The following CTNNA2 variants were observed in gnomAD, a reference collection of about 807,000 sequenced individuals.
The protein encoded by CTNNA2 is catenin alpha 2.
A neutral mutation model predicts 101.0 loss-of-function variants in CTNNA2; 42 were observed. The observed-to-expected ratio is 0.42, with a 90% CI of 0.32 to 0.54. The LOEUF is 0.54. Ranked by LOEUF, CTNNA2 falls within the 20% of genes least tolerant of loss-of-function variation. The pLI, the probability that CTNNA2 is intolerant of heterozygous loss-of-function variation, is 0.14. For synonymous variants in CTNNA2, 450 were observed against 456.4 expected, an observed-to-expected ratio of 0.99 and a Z score of 0.18; for missense variants, 871 against 1,223.1, an observed-to-expected ratio of 0.71 and a Z score of 4.29.
intron 7 of CTNNA2, among the ~76,000 whole-genome samples, chr2:80,099,963 T>C (rs1452072727): frequency 2.0e-5 from 3 of 152,108 alleles, no homozygotes; most frequent in African/African-American, 7.2e-5. Flanking sequence ...GAAGTCTTGC[T>C]CTGTCGCCCA....
At chr2:79,237,569 G>A (rs1023734958) in intron 2 of CTNNA2, among the ~76,000 whole-genome samples, 2 of 152,118 alleles carry the variant, frequency 1.3e-5, no homozygotes, top group South Asian at 2.1e-4. Flanking sequence ...AGTCCTAGAT[G>A]GCAGCTTCTT....
At chr2:79,419,617 T>C (rs1678518366) in intron 4 of CTNNA2, among the ~76,000 whole-genome samples, 1 of 152,130 alleles carries the variant, frequency 6.6e-6, no homozygotes, top group South Asian at 2.1e-4. Flanking sequence ...AGTTTAGATA[T>C]AAAATTTATT....
At chr2:79,404,143 TAA>T (rs61597049) in intron 4 of CTNNA2, among the ~76,000 whole-genome samples, 35 of 146,682 alleles carry the variant, frequency 2.4e-4, no homozygotes, top group Admixed American at 4.1e-4. Context: ...TGAATAAATG[TAA>T]AAAAAAAAAA....
chr2:79,829,525 G>A (rs1414227706), intron 3 of CTNNA2, among the ~76,000 whole-genome samples: 4 of 150,822 alleles, frequency 2.7e-5, no homozygotes, highest in Admixed American at 1.3e-4. Flanking sequence ...AGCTGAGATC[G>A]CGCCATTGCA....
At chr2:80,642,052 C>T (rs1673555751) in intron 18 of CTNNA2, among the ~76,000 whole-genome samples, 1 of 152,130 alleles carries the variant, frequency 6.6e-6, no homozygotes, top group African/African-American at 2.4e-5. Flanking sequence ...CTAGATGTAA[C>T]ATACACACCT....
At chr2:79,411,523 C>G (rs1018562893) in intron 4 of CTNNA2, among the ~76,000 whole-genome samples, 1 of 152,018 alleles carries the variant, frequency 6.6e-6, no homozygotes, top group African/African-American at 2.4e-5. Flanking sequence ...CAAAGGGAAG[C>G]CCATCAGACT....
chr2:79,602,104 C>T (rs898131571), intron 1 of CTNNA2, among the ~76,000 whole-genome samples: 3 of 151,966 alleles, frequency 2.0e-5, no homozygotes, highest in Non-Finnish European at 4.4e-5. Flanking sequence ...ACTTTTGCAC[C>T]GTCTTAAAGT....
At chr2:80,586,809 T>C (rs1573370021) in intron 14 of CTNNA2, among the ~76,000 whole-genome samples, 1 of 152,204 alleles carries the variant, frequency 6.6e-6, no homozygotes, top group African/African-American at 2.4e-5. Flanking sequence ...CAAACATACA[T>C]ACACATGCTA....
At chr2:80,283,668 T>C (rs1674547390) in intron 7 of CTNNA2, among the ~76,000 whole-genome samples, 1 of 152,026 alleles carries the variant, frequency 6.6e-6, no homozygotes, top group South Asian at 2.1e-4. Context: ...TGATAACAGG[T>C]TGGATATGCC....
intron 7 of CTNNA2, among the ~76,000 whole-genome samples, chr2:80,222,058 A>G (rs188673013): frequency 8.4e-4 from 128 of 152,252 alleles, no homozygotes; most frequent in Middle Eastern, 3.4e-3. Flanking sequence ...TGACATGTAG[A>G]ATTATGGAGA....
chr2:80,596,279 G>GTTT lies in CTNNA2; in HGVS notation c.2189+6840_2189+6842dup, dbSNP rs60132060. Among the ~76,000 whole-genome samples the GTTT allele has an allele frequency of 5.7e-5, 2 of 35,324 alleles. 1 individual carries two copies. The highest frequency in any genetic ancestry group is 1.1e-4 in the Non-Finnish European group (2 of 18,620). The allele number at this position is 35,324 out of a possible 152,430, so 23.2% of individuals were successfully genotyped here. A position where few individuals can be genotyped will look rare whatever the true frequency, so the allele number is the denominator to read the frequency against. ...AGTTTTTTTGGGCTGAGACAAGGTT[G>GTTT]TTTTTTTTTTTTTTTTTTTTTTTTT... is the stretch of plus-strand genomic sequence containing the variant. On this transcript the variant is annotated intron_variant, in intron 15 of 18. Coordinates refer to ENST00000402739, the MANE Select transcript of CTNNA2 (RefSeq NM_001282597.3).
intron 7 of CTNNA2, among the ~76,000 whole-genome samples, chr2:80,090,562 C>T (rs928643716): frequency 1.3e-5 from 2 of 152,062 alleles, no homozygotes; most frequent in African/African-American, 4.8e-5. Flanking sequence ...TCATGGGGCT[C>T]TTTCCAAATT....
At chr2:79,605,614 C>G (rs549964574) in intron 1 of CTNNA2, among the ~76,000 whole-genome samples, 5 of 151,848 alleles carry the variant, frequency 3.3e-5, no homozygotes, top group Non-Finnish European at 7.4e-5. Context: ...TCATTTAAAG[C>G]AATATAAGGC....
At chr2:79,510,913 TGG>T (rs1379762402), upstream of CTNNA2, among the ~76,000 whole-genome samples, 14 of 152,248 alleles carry the variant, frequency 9.2e-5, no homozygotes, top group Admixed American at 9.2e-4. Context: ...TTTTCTTTTG[TGG>T]TCTACATTAT....
chr2:79,477,078 T>TATC (rs1671057665), intron 4 of CTNNA2, among the ~76,000 whole-genome samples: 1 of 152,228 alleles, frequency 6.6e-6, no homozygotes, highest in Non-Finnish European at 1.5e-5. Flanking sequence ...GGGACAAATC[T>TATC]ATCATCTCCT....
chr2:79,650,687 C>T (rs1681174707), intron 1 of CTNNA2, among the ~76,000 whole-genome samples: 2 of 150,594 alleles, frequency 1.3e-5, no homozygotes, highest in African/African-American at 4.9e-5. Flanking sequence ...GCACATTGTG[C>T]AGGTTAGTTA....
At chr2:79,616,521 A>G (rs1558774018) in intron 1 of CTNNA2, among the ~76,000 whole-genome samples, 1 of 152,232 alleles carries the variant, frequency 6.6e-6, no homozygotes, top group Non-Finnish European at 1.5e-5. Context: ...TTAAATAAAT[A>G]AAAACAAGAA....
At chr2:79,238,168 G>C (rs1165389270) in intron 2 of CTNNA2, among the ~76,000 whole-genome samples, 14 of 152,090 alleles carry the variant, frequency 9.2e-5, no homozygotes, top group Admixed American at 8.5e-4. Context: ...GTCACTGTAG[G>C]GCTATTAATT....
chr2:79,770,367 A>G (rs1304933451), intron 3 of CTNNA2, among the ~76,000 whole-genome samples: 1 of 152,246 alleles, frequency 6.6e-6, no homozygotes. Context: ...GAGACCAATT[A>G]GTCAACACCA....
Sources: allele counts gnomAD v4.1 joint callset (sites outside exome capture counted in the v4.1 genomes callset), GRCh38; gene constraint gnomAD v4.1.1; transcripts MANE v1.5; gene names NCBI Gene and HGNC (gene_info 2026-07-23, HGNC 2026-07-21).